The following MYO10 variants were observed in gnomAD, a reference collection of about 807,000 sequenced individuals.
The protein encoded by MYO10 is unconventional myosin-X.
A neutral mutation model predicts 257.3 loss-of-function variants in MYO10; 133 were observed. That is an observed-to-expected ratio of 0.52 (90% CI 0.45 to 0.60). The LOEUF (loss-of-function observed/expected upper bound fraction) is 0.60. Among genes scored for constraint, MYO10 ranks in the 20% least tolerant of loss-of-function variants. MYO10 has a pLI of 0.00. For synonymous variants in MYO10, 1,104 were observed against 1,028.6 expected (o/e 1.07, Z -1.40); for missense variants, 2,399 against 2,635.7 (o/e 0.91, Z 1.97).
intron 3 of MYO10, among the ~76,000 whole-genome samples, chr5:16,813,545 T>C (rs1742506490): frequency 2.0e-5 from 3 of 147,034 alleles, no homozygotes; most frequent in South Asian, 4.3e-4. Flanking sequence ...AGTGAGACCC[T>C]GGCTCTAAAA....
At chr5:16,831,687 T>G (rs927747423) in intron 2 of MYO10, among the ~76,000 whole-genome samples, 19 of 152,038 alleles carry the variant, frequency 1.2e-4, no homozygotes, top group African/African-American at 4.6e-4. Context: ...TGCAAAGGCG[T>G]AAGAATGACA....
At chr5:16,844,356 T>C (rs1336029819) in intron 2 of MYO10, among the ~76,000 whole-genome samples, 1 of 152,236 alleles carries the variant, frequency 6.6e-6, no homozygotes. Flanking sequence ...AGATCTTTAA[T>C]GATGTCAATA....
intron 2 of MYO10, among the ~76,000 whole-genome samples, chr5:16,874,076 T>C (rs796171330): frequency 4.6e-5 from 7 of 152,200 alleles, no homozygotes; most frequent in African/African-American, 1.4e-4. Flanking sequence ...GGCTCACGCC[T>C]GTAATCCCAA....
chr5:16,709,282 G>C (rs1362558588), intron 21 of MYO10, among the ~76,000 whole-genome samples: 4 of 152,182 alleles, frequency 2.6e-5, no homozygotes, highest in Admixed American at 2.6e-4. Context: ...TCCAGGCAGA[G>C]AGACCTATCA....
Position 16,683,944 on chromosome 5 carries a change from GAAC to G in MYO10, c.3991-12_3991-10del. ...CCCACATCCAAGGTGCCCTGGAAAA[GAAC>G]AAAAAGTAAACAGAATGAGAGAAGC... is the stretch of plus-strand genomic sequence containing the variant. On this transcript the variant is annotated splice_polypyrimidine_tract_variant and intron_variant, in intron 29 of 40. Coordinates refer to ENST00000513610, the MANE Select transcript of MYO10 (RefSeq NM_012334.3). The G allele has an allele frequency of 6.2e-7, 1 of 1,612,588 alleles. No homozygotes were observed. The highest frequency in any genetic ancestry group is 8.5e-7 in the Non-Finnish European group (1 of 1,179,320).
chr5:16,854,353 C>T (rs1743898859), intron 2 of MYO10, among the ~76,000 whole-genome samples: 1 of 152,144 alleles, frequency 6.6e-6, no homozygotes, highest in Non-Finnish European at 1.5e-5. Flanking sequence ...ATATAATGGA[C>T]TATTACTCTG....
At chr5:16,841,765 C>G (rs1743487321) in intron 2 of MYO10, among the ~76,000 whole-genome samples, 1 of 152,178 alleles carries the variant, frequency 6.6e-6, no homozygotes, top group African/African-American at 2.4e-5. Context: ...TTCTCGCAAA[C>G]TGTTTTTCAT....
At chr5:16,788,393 T>C (rs1741654526) in intron 4 of MYO10, among the ~76,000 whole-genome samples, 1 of 152,204 alleles carries the variant, frequency 6.6e-6, no homozygotes, top group African/African-American at 2.4e-5. Flanking sequence ...TGGATGCTTA[T>C]GACTGGCATA....
At chr5:16,904,986 T>C (rs983403304) in intron 1 of MYO10, among the ~76,000 whole-genome samples, 1 of 152,202 alleles carries the variant, frequency 6.6e-6, no homozygotes, top group Admixed American at 6.5e-5. Flanking sequence ...TACTTATTCC[T>C]CTACCTCCTC....
chr5:16,690,038 T>G (rs1737427991), intron 27 of MYO10, 119 bp from the exon 28 acceptor site: 3 of 726,906 alleles, frequency 4.1e-6, no homozygotes, highest in Non-Finnish European at 7.3e-6. Context: ...GACGAAACGG[T>G]ACACAGTTGG....
At chr5:16,800,739 G>A (rs1742096601) in intron 3 of MYO10, among the ~76,000 whole-genome samples, 1 of 152,094 alleles carries the variant, frequency 6.6e-6, no homozygotes, top group Non-Finnish European at 1.5e-5. Flanking sequence ...CGCCACCCCC[G>A]TGGCTGTGTT....
rs572835858 is a variant in MYO10 at position 16,821,289 on chromosome 5, TTTCA to T, written c.121-3126_121-3123del. ...CCTATGTGTACATCCTATGTACACATTTCATTGTCTTTTTTGATGCACCAGGAAT... is the reference window on the plus strand; with the variant it reads ...CCTATGTGTACATCCTATGTACACATTTGTCTTTTTTGATGCACCAGGAAT... On this transcript the variant is annotated intron_variant, in intron 2 of 40. Coordinates refer to ENST00000513610, the MANE Select transcript of MYO10 (RefSeq NM_012334.3). Among the ~76,000 whole-genome samples, 656 of 149,264 alleles carry T rather than the reference TTTCA, an allele frequency of 4.4e-3. 5 individuals carry two copies. The highest frequency in any genetic ancestry group is 0.015 in the African/African-American group (612 of 41,044).
intron 19 of MYO10, among the ~76,000 whole-genome samples, chr5:16,742,867 T>A (rs1468754186): frequency 6.6e-6 from 1 of 151,052 alleles, no homozygotes; most frequent in African/African-American, 2.4e-5. Flanking sequence ...ACGCCTGTAA[T>A]CCCAGCACTT....
intron 2 of MYO10, among the ~76,000 whole-genome samples, chr5:16,831,570 A>T (rs1054497505): frequency 4.0e-5 from 6 of 151,548 alleles, no homozygotes; most frequent in Non-Finnish European, 8.9e-5. Context: ...TGGTATTCAC[A>T]GCAACCTGGA....
rs145872653 is a variant in MYO10, at chr5:16,689,867, C to T, written c.3853G>A (p.Asp1285Asn). The change falls in exon 28 of 41, where the codon GAT (aspartate) becomes AAT (asparagine). Residue 1285 changes from aspartate to asparagine, a missense_variant. Coordinates refer to ENST00000513610, the MANE Select transcript of MYO10 (RefSeq NM_012334.3). ...KENGIDIIMA[D>N]RTFHLIAESP... is the part of the protein sequence containing the mutation. Reference sequence around the variant, plus strand: ...TCTGCAATCAGGTGGAAAGTCCTATCGGCCATAATGATGTCGATCCCATTC... The same window carrying T: ...TCTGCAATCAGGTGGAAAGTCCTATTGGCCATAATGATGTCGATCCCATTC... 9.9e-6 allele frequency: 16 copies of T among 1,613,688 alleles called. No homozygotes were observed. The African/African-American group carries it at 1.2e-4, about 12-fold the overall frequency.
At chr5:16,906,755 T>TGAA (rs1386415935) in intron 1 of MYO10, among the ~76,000 whole-genome samples, 1 of 152,176 alleles carries the variant, frequency 6.6e-6, no homozygotes, top group East Asian at 1.9e-4. Context: ...GTTACCCTTC[T>TGAA]GCAGTAATGT....
chr5:16,852,077 A>G lies in MYO10; in HGVS notation c.120+25532T>C, dbSNP rs1284261355. Among the ~76,000 whole-genome samples the G allele has an allele frequency of 2.4e-4, 33 of 135,400 alleles. 1 individual carries two copies. Among genetic ancestry groups the G allele is most frequent in the Admixed American group, 1.2e-3 (16 of 13,104 alleles). The allele number at this position is 135,400 out of a possible 152,430, so 88.8% of individuals were successfully genotyped here. Reference sequence around the variant, plus strand: ...AAAAAAAAAAAAAAAAAAAAAAAAAAGAAGACTTACTGATCACTGGGAAGG... The same window carrying G: ...AAAAAAAAAAAAAAAAAAAAAAAAAGGAAGACTTACTGATCACTGGGAAGG... On this transcript the variant is annotated intron_variant, in intron 2 of 40. Transcript: ENST00000513610.
At chr5:16,868,518 C>G (rs1004130595) in intron 2 of MYO10, among the ~76,000 whole-genome samples, 3 of 152,002 alleles carry the variant, frequency 2.0e-5, no homozygotes, top group Non-Finnish European at 4.4e-5. Flanking sequence ...GCAGGAGAAT[C>G]GCTTGAACCC....
chr5:16,715,392 A>ATTTT (rs372307063), intron 19 of MYO10, among the ~76,000 whole-genome samples: 8,793 of 84,170 alleles, frequency 0.1, 711 homozygotes, highest in Non-Finnish European at 0.12. Flanking sequence ...TAAGATTGAA[A>ATTTT]TTTTTTTTTT....
Sources: gnomAD v4.1 joint callset for allele counts (sites outside exome capture counted in the v4.1 genomes callset) on GRCh38, gnomAD v4.1.1 for gene constraint, MANE v1.5 for transcripts, NCBI Gene and HGNC (gene_info 2026-07-23, HGNC 2026-07-21) for gene names.